The following RYR2 variants were observed in gnomAD, a reference collection of about 807,000 sequenced individuals.
RYR2 encodes the protein cardiac muscle ryanodine receptor-calcium release channel.
A neutral mutation model predicts 601.1 loss-of-function variants in RYR2; 227 were observed. The observed-to-expected ratio is 0.38, with a 90% CI of 0.34 to 0.42. RYR2 has a LOEUF of 0.42. RYR2 is among the 10% of genes least tolerant of loss of function. RYR2 has a pLI of 1.00. For synonymous variants in RYR2, 2,223 were observed against 2,175.1 expected (o/e 1.02, Z -0.61); for missense variants, 4,646 against 6,156.5 (o/e 0.75, Z 8.21).
chr1:237,788,613 C>T (rs1657941728), intron 92 of RYR2, among the ~76,000 whole-genome samples: 1 of 152,088 alleles, frequency 6.6e-6, no homozygotes, highest in African/African-American at 2.4e-5. Context: ...ATTTCTATAA[C>T]ATCACCCTTT....
At chr1:237,601,221 G>A (rs1017488147) in intron 34 of RYR2, among the ~76,000 whole-genome samples, 2 of 152,084 alleles carry the variant, frequency 1.3e-5, no homozygotes, top group Non-Finnish European at 2.9e-5. Context: ...AGAAAATGTG[G>A]TATATATACA....
intron 13 of RYR2, among the ~76,000 whole-genome samples, chr1:237,442,632 T>C (rs1708012052): frequency 6.6e-6 from 1 of 152,228 alleles, no homozygotes; most frequent in Non-Finnish European, 1.5e-5. Flanking sequence ...TTTATTTTTA[T>C]GCCTTTCAGT....
chr1:237,630,736 C>A lies in RYR2; in HGVS notation c.6441-691C>A, dbSNP rs190565354. On this transcript the variant is annotated intron_variant, in intron 41 of 104. Coordinates refer to ENST00000366574, the MANE Select transcript of RYR2 (RefSeq NM_001035.3). ...GATACTTTCTCCTGAACATTATGAC[C>A]CTTAGGAATACCTTGACACACATAT... Among the ~76,000 whole-genome samples the A allele has an allele frequency of 3.7e-3, 557 of 152,192 alleles. 5 individuals are homozygous for A. Among genetic ancestry groups the A allele is most frequent in the African/African-American group, 0.013 (528 of 41,550 alleles).
intron 25 of RYR2, among the ~76,000 whole-genome samples, chr1:237,546,188 TACAA>T (rs1213949649): frequency 3.9e-5 from 6 of 152,232 alleles, no homozygotes; most frequent in South Asian, 4.1e-4. Flanking sequence ...TAATTGCCCA[TACAA>T]ACAGAGTTTT....
At position 237,042,453 on chromosome 1, in the gene RYR2, C is replaced by CT. The variant is rs1660019889; in HGVS notation, c.-69_-68insT. ...CCGGCAGCAGAAGCAGAAGGCAGCG[C>CT]CAGGGGCCGCCGCCGCCGCCGAGCT... is the stretch of plus-strand genomic sequence containing the variant. On this transcript the variant is annotated 5_prime_UTR_variant, in exon 1 of 105. Transcript: ENST00000366574. The CT allele has an allele frequency of 8.2e-7, 1 of 1,223,162 alleles. No individual in the cohort carries two copies. The highest frequency in any genetic ancestry group is 3.3e-5 in the East Asian group (1 of 30,706). 75.8% of individuals were successfully genotyped at this position (1,223,162 alleles called of 1,614,324 possible).
intron 3 of RYR2, among the ~76,000 whole-genome samples, chr1:237,350,602 AATATATAT>A (rs1177777241): frequency 3.9e-3 from 145 of 37,002 alleles, no homozygotes; most frequent in African/African-American, 0.013. Context: ...AAAAAAAAAA[AATATATAT>A]ATATATATAT....
At chr1:237,387,472 A>T in intron 9 of RYR2, 92 bp downstream of exon 9, 1 of 1,143,944 alleles carries the variant, frequency 8.7e-7, no homozygotes, top group Non-Finnish European at 1.3e-6. Flanking sequence ...TGTTAATTAG[A>T]GCTTTTTGTC....
intron 27 of RYR2, among the ~76,000 whole-genome samples, chr1:237,556,295 T>G (rs1670866712): frequency 7.3e-6 from 1 of 136,406 alleles, no homozygotes; most frequent in Non-Finnish European, 1.5e-5. Context: ...TTATTATTAT[T>G]ATTATTATTA....
intron 80 of RYR2, among the ~76,000 whole-genome samples, chr1:237,746,604 A>AT: frequency 6.6e-6 from 1 of 152,122 alleles, no homozygotes; most frequent in East Asian, 1.9e-4. Context: ...TGATTACAAA[A>AT]TTCCCTGTTT....
chr1:237,158,586 G>A (rs1183923810), intron 1 of RYR2, among the ~76,000 whole-genome samples: 1 of 152,132 alleles, frequency 6.6e-6, no homozygotes, highest in Non-Finnish European at 1.5e-5. Flanking sequence ...TCTTAAAAAT[G>A]ATTGGATCCC....
At chr1:237,622,590 A>G (rs1418773829) in intron 38 of RYR2, among the ~76,000 whole-genome samples, 1 of 152,182 alleles carries the variant, frequency 6.6e-6, no homozygotes, top group Non-Finnish European at 1.5e-5. Context: ...TGGGTTCTGC[A>G]TCTATGGATT....
At chr1:237,301,928 T>A (rs1558583106) in intron 2 of RYR2, among the ~76,000 whole-genome samples, 1 of 152,196 alleles carries the variant, frequency 6.6e-6, no homozygotes, top group Non-Finnish European at 1.5e-5. Context: ...GCCTCACCTG[T>A]TAAGGCCCAT....
At chr1:237,401,391 C>T (rs1379796503) in intron 10 of RYR2, among the ~76,000 whole-genome samples, 1 of 151,890 alleles carries the variant, frequency 6.6e-6, no homozygotes, top group Non-Finnish European at 1.5e-5. Flanking sequence ...GCGGTTCTGA[C>T]CAACTGGCTA....
rs374781164 is a variant in RYR2 at position 237,261,971 on chromosome 1, G to T, written c.49-8526G>T. Among the ~76,000 whole-genome samples the T allele has an allele frequency of 1.1e-4, 16 of 152,162 alleles. No individual in the cohort carries two copies. In the East Asian group the frequency reaches 2.7e-3, roughly 26 times the overall value. On this transcript the variant is annotated intron_variant, in intron 1 of 104. Transcript: ENST00000366574. Reference sequence around the variant, plus strand: ...TCTCTTGCTAGAATGCAAGCCTAATGAGTTCGGGGATCTTTTGTTTATTAG... The same window carrying T: ...TCTCTTGCTAGAATGCAAGCCTAATTAGTTCGGGGATCTTTTGTTTATTAG...
At chr1:237,055,748 G>T (rs1661914936) in intron 1 of RYR2, among the ~76,000 whole-genome samples, 2 of 152,300 alleles carry the variant, frequency 1.3e-5, no homozygotes, top group South Asian at 4.1e-4. Context: ...CTAATCCCCA[G>T]GACCTTAGAA....
chr1:237,141,434 AGGC>A lies in RYR2; in HGVS notation c.48+98867_48+98869del, dbSNP rs199987191. On this transcript the variant is annotated intron_variant, in intron 1 of 104. Coordinates refer to ENST00000366574, the MANE Select transcript of RYR2 (RefSeq NM_001035.3). ...CCAGTCCTCTGAGATCTTCCTAATG[AGGC>A]GTCCCCCAAATTGCCTATCATCTCA... Among the ~76,000 whole-genome samples the A allele has an allele frequency of 1.8e-3, 281 of 152,270 alleles. 7 individuals carry two copies. In the East Asian group the frequency reaches 0.052, roughly 28 times the overall value.
At chr1:237,224,088 T>TGGTAATACA in intron 1 of RYR2, among the ~76,000 whole-genome samples, 1 of 152,194 alleles carries the variant, frequency 6.6e-6, no homozygotes, top group East Asian at 1.9e-4. Flanking sequence ...ACAAGAGAAA[T>TGGTAATACA]GGTAATACAG....
chr1:237,737,433 G>A (rs1691248685), intron 79 of RYR2, among the ~76,000 whole-genome samples: 1 of 152,214 alleles, frequency 6.6e-6, no homozygotes, highest in Non-Finnish European at 1.5e-5. Context: ...CACCTGCGTA[G>A]TGTGTATGGG....
intron 22 of RYR2, among the ~76,000 whole-genome samples, chr1:237,504,986 G>A (rs897882784): frequency 6.6e-6 from 1 of 152,158 alleles, no homozygotes; most frequent in African/African-American, 2.4e-5. Flanking sequence ...TGAGGATGCC[G>A]TATAGGAAAC....
Sources: gnomAD v4.1 joint callset for allele counts (sites outside exome capture counted in the v4.1 genomes callset) on GRCh38, gnomAD v4.1.1 for gene constraint, MANE v1.5 for transcripts, NCBI Gene and HGNC (gene_info 2026-07-23, HGNC 2026-07-21) for gene names.